USP3: variants seen among roughly 807,000 people sequenced by gnomAD.
USP3 encodes the protein ubiquitin specific peptidase 3.
USP3 carries 20 observed loss-of-function variants against 72.3 expected under a neutral mutation model. The observed-to-expected ratio is 0.28, with a 90% confidence interval of 0.19 to 0.40. USP3 has a LOEUF of 0.40. Ranked by LOEUF, USP3 falls within the 10% of genes least tolerant of loss-of-function variation. The pLI is 1.00. For missense variants in USP3, 479 were observed against 633.9 expected (o/e 0.76, Z 2.62); for synonymous variants, 222 against 225.3 (o/e 0.99, Z 0.13).
At chr15:63,549,440 A>G (rs1473848237) in intron 3 of USP3, among the ~76,000 whole-genome samples, 2 of 152,210 alleles carry the variant, frequency 1.3e-5, no homozygotes, top group Non-Finnish European at 2.9e-5. Flanking sequence ...GTCCACTAAC[A>G]CTTGTGAAAA....
At chr15:63,512,368 CTTCT>C (rs1441179825) in intron 1 of USP3, among the ~76,000 whole-genome samples, 55 of 147,052 alleles carry the variant, frequency 3.7e-4, no homozygotes, top group Non-Finnish European at 3.5e-4. Context: ...CTTCTTCTTT[CTTCT>C]TTCTTCTTTC....
intron 11 of USP3, chr15:63,586,737 CAT>C (rs2067072029): frequency 6.6e-6 from 1 of 152,150 alleles, no homozygotes; most frequent in Non-Finnish European, 1.5e-5. Flanking sequence ...CCATCACTGA[CAT>C]AAAATAGCAG....
At chr15:63,526,687 C>T (rs2065987570) in intron 1 of USP3, among the ~76,000 whole-genome samples, 1 of 152,164 alleles carries the variant, frequency 6.6e-6, no homozygotes, top group Non-Finnish European at 1.5e-5. Context: ...GTTGCTGTTA[C>T]TGATGGGCAA....
At chr15:63,557,762 T>C (rs778551235) in intron 5 of USP3, among the ~76,000 whole-genome samples, 23 of 152,204 alleles carry the variant, frequency 1.5e-4, no homozygotes, top group Non-Finnish European at 3.1e-4. Context: ...TTTCTCTTAG[T>C]TTTTATAGAA....
At chr15:63,554,390 GTATAGTCAAATAGTT>G (rs1325173829) in intron 4 of USP3, among the ~76,000 whole-genome samples, 3 of 152,090 alleles carry the variant, frequency 2.0e-5, no homozygotes, top group Admixed American at 6.6e-5. Flanking sequence ...ACTTTTATTG[GTATAGTCAAATAGTT>G]AGATAAAACT....
intron 7 of USP3, among the ~76,000 whole-genome samples, chr15:63,560,678 G>A (rs962725690): frequency 5.3e-5 from 8 of 151,786 alleles, no homozygotes; most frequent in Admixed American, 5.2e-4. Flanking sequence ...GTCAATTTTT[G>A]GTTGATACGG....
chr15:63,562,754 T>A (rs2152674239), intron 7 of USP3, 141 bp from the exon 8 acceptor site: 1 of 546,352 alleles, frequency 1.8e-6, no homozygotes, highest in African/African-American at 1.9e-5. Context: ...CTCTTATGTA[T>A]CTTTCAGACT....
chr15:63,558,656 C>T (rs1232405716), intron 6 of USP3, among the ~76,000 whole-genome samples: 3 of 151,984 alleles, frequency 2.0e-5, no homozygotes, highest in African/African-American at 7.3e-5. Context: ...GGGCAGATCA[C>T]CTAAAGTCAG....
chr15:63,579,654 C>T (rs1299595775), intron 11 of USP3, among the ~76,000 whole-genome samples: 1 of 152,102 alleles, frequency 6.6e-6, no homozygotes, highest in Non-Finnish European at 1.5e-5. Flanking sequence ...GGAGAGCTTT[C>T]TAAGCCAGAA....
chr15:63,581,351 G>T (rs1273336172), intron 11 of USP3, among the ~76,000 whole-genome samples: 7 of 12,780 alleles, frequency 5.5e-4, no homozygotes, highest in Admixed American at 3.3e-3. Context: ...GTTTTTGTGT[G>T]TGTGTGTGTG....
intron 9 of USP3, among the ~76,000 whole-genome samples, chr15:63,571,674 A>G (rs1479309871): frequency 1.3e-5 from 2 of 148,450 alleles, no homozygotes; most frequent in East Asian, 1.9e-4. Context: ...GAGAGAGGGT[A>G]TATGTCTTTA....
chr15:63,544,537 G>A lies in USP3; in HGVS notation c.284+7381G>A, dbSNP rs2066292392. The A allele has an allele frequency of 3.5e-6, 2 of 575,202 alleles. No individual in the cohort carries two copies. Among genetic ancestry groups the A allele is most frequent in the Non-Finnish European group, 6.1e-6 (2 of 326,114 alleles). The allele number at this position is 575,202 out of a possible 1,614,324, so 35.6% of individuals were successfully genotyped here. ...CAGGGCAAAAACAGGAAGGAAACGA[G>A]TGTTTCTAAAGTTAGAATTTTTTAA... On this transcript the variant is annotated intron_variant, in intron 3 of 14. Coordinates refer to ENST00000380324, the MANE Select transcript of USP3 (RefSeq NM_006537.4). The surrounding 1 kb of genome is among the most constrained non-coding windows in gnomAD (Gnocchi z 4.2).
At chr15:63,519,353 ACAT>A (rs2065889263) in intron 1 of USP3, among the ~76,000 whole-genome samples, 1 of 150,754 alleles carries the variant, frequency 6.6e-6, no homozygotes, top group South Asian at 2.1e-4. Context: ...TTCTATTCTA[ACAT>A]CATAATGTCT....
chr15:63,578,866 A>C (rs2066909545), intron 11 of USP3, among the ~76,000 whole-genome samples: 1 of 152,228 alleles, frequency 6.6e-6, no homozygotes, highest in South Asian at 2.1e-4. Context: ...GATTGATTAT[A>C]TACCTAGAAC....
At chr15:63,514,228 A>G (rs996370983) in intron 1 of USP3, among the ~76,000 whole-genome samples, 6 of 152,116 alleles carry the variant, frequency 3.9e-5, no homozygotes, top group Non-Finnish European at 7.4e-5. Context: ...TCATTTAAAA[A>G]ATATATGTAT....
chr15:63,559,875 CT>C lies in USP3; in HGVS notation c.553del (p.Cys185ValfsTer11). On this transcript the variant is annotated frameshift_variant, in exon 7 of 15. Coordinates refer to ENST00000380324, the MANE Select transcript of USP3 (RefSeq NM_006537.4). LOFTEE classifies it high-confidence loss of function. ...QSLSNIEQFC[C>X]YFKELPAVEL... is the part of the protein sequence containing the mutation. ...AAAATAGTAACATTGAGCAGTTTTG[CT>C]GTTATTTCAAAGAACTGCCCGCCGT... is the stretch of plus-strand genomic sequence containing the variant. 6.2e-7 allele frequency: 1 copy of C among 1,613,350 alleles called. No homozygotes were observed. Among genetic ancestry groups the C allele is most frequent in the Non-Finnish European group, 8.5e-7 (1 of 1,179,664 alleles).
At chr15:63,560,028 TG>T in intron 7 of USP3, 58 bp downstream of exon 7, 1 of 1,479,020 alleles carries the variant, frequency 6.8e-7, no homozygotes, top group Admixed American at 2.0e-5. Flanking sequence ...TTACTTTCAC[TG>T]GTGGTTTCCA....
intron 1 of USP3, among the ~76,000 whole-genome samples, chr15:63,521,583 A>G (rs927152950): frequency 6.6e-6 from 1 of 152,114 alleles, no homozygotes; most frequent in African/African-American, 2.4e-5. Flanking sequence ...AGCCTTGGGG[A>G]CATTTTTAGT....
intron 1 of USP3, among the ~76,000 whole-genome samples, chr15:63,523,345 G>C (rs1310056537): frequency 6.6e-6 from 1 of 152,032 alleles, no homozygotes; most frequent in Non-Finnish European, 1.5e-5. Flanking sequence ...GGCAGGCTCT[G>C]GAACGAACTT....
Sources: gnomAD v4.1 joint callset for allele counts (sites outside exome capture counted in the v4.1 genomes callset) on GRCh38, gnomAD v4.1.1 for gene constraint, Gnocchi (gnomAD v3.1) non-coding constraint, MANE v1.5 for transcripts, NCBI Gene and HGNC (gene_info 2026-07-23, HGNC 2026-07-21) for gene names.